The following GADL1 variants were observed in gnomAD, a reference collection of about 807,000 sequenced individuals.
GADL1 encodes GAD like acidic amino acid decarboxylase 1.
GADL1 carries 71 observed loss-of-function variants against 69.5 expected under a neutral mutation model. The ratio of observed to expected loss-of-function variants is 1.02; its 90% CI spans 0.84 to 1.25. The LOEUF (loss-of-function observed/expected upper bound fraction) is 1.25, where lower values mean the gene tolerates loss of function less well. Ranked by LOEUF, GADL1 falls within the 50% of genes most tolerant of loss-of-function variation. The pLI, the probability that GADL1 is intolerant of heterozygous loss-of-function variation, is 0.00. For missense variants in GADL1, 737 were observed against 631.8 expected, an observed-to-expected ratio of 1.17 and a Z score of -1.79; for synonymous variants, 254 against 214.4, an observed-to-expected ratio of 1.18 and a Z score of -1.62.
chr3:30,745,623 A>T (rs552551677), intron 14 of GADL1, among the ~76,000 whole-genome samples: 1 of 152,176 alleles, frequency 6.6e-6, no homozygotes, highest in South Asian at 2.1e-4. Context: ...GTGGATCTCA[A>T]TATGTTGCTC....
intron 11 of GADL1, among the ~76,000 whole-genome samples, chr3:30,815,211 TTACTC>T (rs1360242821): frequency 6.6e-6 from 1 of 152,146 alleles, no homozygotes; most frequent in Non-Finnish European, 1.5e-5. Context: ...GAAAAAAAAT[TTACTC>T]TGTGATAAAA....
At chr3:30,879,826 G>T (rs980923244) in intron 1 of GADL1, among the ~76,000 whole-genome samples, 1 of 151,796 alleles carries the variant, frequency 6.6e-6, no homozygotes, top group Non-Finnish European at 1.5e-5. Flanking sequence ...CTGTAATTTT[G>T]TTCTCTAGGC....
At chr3:30,876,048 TC>T (rs1490123508) in intron 1 of GADL1, among the ~76,000 whole-genome samples, 3 of 152,008 alleles carry the variant, frequency 2.0e-5, no homozygotes, top group Non-Finnish European at 4.4e-5. Flanking sequence ...ATGAATGTTT[TC>T]TTCAGTTCCT....
At chr3:30,816,370 G>A (rs1697469722) in intron 11 of GADL1, among the ~76,000 whole-genome samples, 1 of 151,766 alleles carries the variant, frequency 6.6e-6, no homozygotes, top group Non-Finnish European at 1.5e-5. Context: ...GAAAATAAAT[G>A]CATTCTTAAT....
chr3:30,812,367 G>T (rs1697373494), intron 11 of GADL1, among the ~76,000 whole-genome samples: 1 of 152,184 alleles, frequency 6.6e-6, no homozygotes, highest in Non-Finnish European at 1.5e-5. Context: ...TACAAAAGAA[G>T]TTTAATGGAC....
chr3:30,837,910 A>G (rs1019213712), intron 9 of GADL1, among the ~76,000 whole-genome samples: 7 of 152,184 alleles, frequency 4.6e-5, no homozygotes, highest in Non-Finnish European at 1.5e-5. Context: ...TGGCATACTA[A>G]TAGAAGCAAT....
Position 30,845,638 on chromosome 3 carries a change from C to T in GADL1, c.652-1172G>A, listed in dbSNP as rs542345203. On this transcript the variant is annotated intron_variant, in intron 6 of 14. Transcript: ENST00000282538. Reference sequence around the variant, plus strand: ...TTCCAAATATCAAATAGGACATGTCCAAAATGCCTGTAGGATGCTTTTATT... The same window carrying T: ...TTCCAAATATCAAATAGGACATGTCTAAAATGCCTGTAGGATGCTTTTATT... 2.9e-4 allele frequency among the ~76,000 whole-genome samples: 44 copies of T among 150,582 alleles called. No homozygotes were observed. The South Asian group carries it at 8.9e-3, about 30-fold the overall frequency.
Position 30,844,201 on chromosome 3 carries a change from C to CCCTCTCA in GADL1, c.786+2_786+8dup. ...CGTTCTCTCTCCCTCTCGCTTTCTCCCCTCTCACCTCTTTTCTGGCTTGCC... is the reference window on the plus strand; with the variant it reads ...CGTTCTCTCTCCCTCTCGCTTTCTCCCCTCTCACCTCTCACCTCTTTTCTGGCTTGCC... On this transcript the variant is annotated intron_variant, in intron 8 of 14. Transcript: ENST00000282538. 6.2e-7 allele frequency: 1 copy of CCCTCTCA among 1,609,352 alleles called. No homozygotes were observed. The highest frequency in any genetic ancestry group is 8.5e-7 in the Non-Finnish European group (1 of 1,177,288).
At position 30,784,498 on chromosome 3, in the gene GADL1, A is replaced by AT. The variant is rs548191913; in HGVS notation, c.1302+1856dup. Among the ~76,000 whole-genome samples the AT allele has an allele frequency of 2.5e-4, 38 of 152,250 alleles. 1 individual carries two copies. Among genetic ancestry groups the AT allele is most frequent in the African/African-American group, 8.9e-4 (37 of 41,544 alleles). On this transcript the variant is annotated intron_variant, in intron 13 of 14. Coordinates refer to ENST00000282538, the MANE Select transcript of GADL1 (RefSeq NM_207359.3). ...TTGGTATGCATGCAAGATCTTCCAT[A>AT]TGTCTAGCTTTCTAGCACTTTGGAA...
chr3:30,766,002 A>G (rs1027439564), intron 14 of GADL1, among the ~76,000 whole-genome samples: 2 of 152,200 alleles, frequency 1.3e-5, no homozygotes, highest in African/African-American at 4.8e-5. Context: ...CTCAGGTGCC[A>G]GGAAATAAGT....
chr3:30,755,816 C>A (rs938342716), intron 14 of GADL1, among the ~76,000 whole-genome samples: 7 of 115,516 alleles, frequency 6.1e-5, no homozygotes, highest in African/African-American at 1.7e-4. Flanking sequence ...AAACAAATGC[C>A]AAAGGTACTT....
At chr3:30,868,350 C>T (rs1458022943) in intron 1 of GADL1, among the ~76,000 whole-genome samples, 1 of 151,982 alleles carries the variant, frequency 6.6e-6, no homozygotes, top group Non-Finnish European at 1.5e-5. Context: ...TGTGATCTCA[C>T]CAACTCTCAA....
In GADL1 at chr3:30,861,740, A is replaced by C. The variant is rs1254017010; in HGVS notation, c.63T>G (p.Ile21Met). ...VDGDIDQQEM[I>M]PSKKNAVLVD... ...CAAGAACAGCATTCTTCTTACTTGG[A>C]ATCATCTCTTGTTGATCAATATCTC... is the stretch of plus-strand genomic sequence containing the variant. Residue 21 changes from isoleucine (I) to methionine (M), a missense_variant, in exon 2 of 15, where the codon ATT becomes ATG. Transcript: ENST00000282538. 1 of 1,547,294 alleles carries C rather than the reference A, an allele frequency of 6.5e-7. No individual in the cohort carries two copies. Among genetic ancestry groups the C allele is most frequent in the African/African-American group, 1.4e-5 (1 of 72,718 alleles).
chr3:30,839,510 T>G (rs1280999845), intron 8 of GADL1, among the ~76,000 whole-genome samples: 1 of 45,996 alleles, frequency 2.2e-5, no homozygotes, highest in Non-Finnish European at 3.3e-5. Flanking sequence ...CATTGTCATC[T>G]TCTCAAAAAA....
intron 6 of GADL1, among the ~76,000 whole-genome samples, chr3:30,846,482 CTG>C (rs752699464): frequency 3.8e-4 from 58 of 152,146 alleles, no homozygotes; most frequent in Non-Finnish European, 7.9e-4. Context: ...TCAATGTACA[CTG>C]TGCCCTGGAC....
At position 30,736,258 on chromosome 3, in the gene GADL1, C is replaced by T. The variant is rs144913906; in HGVS notation, c.1393-7843G>A. The stretch of plus-strand genomic sequence containing the variant: ...AGATGATAAACTTTATGGATTAGAC[C>T]GACCATACACAGACCAACAGACTAG... On this transcript the variant is annotated intron_variant, in intron 14 of 14. Transcript: ENST00000282538. Among the ~76,000 whole-genome samples the T allele has an allele frequency of 6.8e-3, 1,028 of 152,090 alleles. 40 individuals are homozygous for T. The highest frequency in any genetic ancestry group is 0.062 in the Admixed American group (942 of 15,234).
chr3:30,794,451 G>C (rs552033640), intron 12 of GADL1, among the ~76,000 whole-genome samples: 49 of 152,228 alleles, frequency 3.2e-4, no homozygotes, highest in African/African-American at 1.2e-3. Context: ...ACTTTCCTAG[G>C]CAGATATCAG....
intron 12 of GADL1, among the ~76,000 whole-genome samples, chr3:30,796,302 C>A (rs575109512): frequency 1.3e-5 from 2 of 152,078 alleles, no homozygotes; most frequent in Non-Finnish European, 2.9e-5. Flanking sequence ...TATGGTAGAC[C>A]GTAGACTGTC....
intron 1 of GADL1, among the ~76,000 whole-genome samples, chr3:30,882,292 AT>A (rs1698653883): frequency 6.6e-6 from 1 of 151,768 alleles, no homozygotes; most frequent in Non-Finnish European, 1.5e-5. Context: ...TCTTCAAAAT[AT>A]TTTCATCTTC....
Sources: gnomAD v4.1 joint callset for allele counts (sites outside exome capture counted in the v4.1 genomes callset) on GRCh38, gnomAD v4.1.1 for gene constraint, MANE v1.5 for transcripts, NCBI Gene and HGNC (gene_info 2026-07-23, HGNC 2026-07-21) for gene names.